CDH3: variants seen among roughly 807,000 people sequenced by gnomAD.
CDH3 encodes cadherin-3.
CDH3 carries 54 observed loss-of-function variants against 82.0 expected under a neutral mutation model. That is an observed-to-expected ratio of 0.66 (90% CI 0.53 to 0.83). The LOEUF (loss-of-function observed/expected upper bound fraction) is 0.83. Ranked by LOEUF, CDH3 falls within the 40% of genes least tolerant of loss-of-function variation. The probability of loss-of-function intolerance (pLI) is 0.00; values close to 1 mark genes in which losing one functional copy is unlikely to be tolerated. For synonymous variants in CDH3, 446 were observed against 437.9 expected (o/e 1.02, Z -0.23); for missense variants, 1,054 against 1,084.6 (o/e 0.97, Z 0.40).
intron 1 of CDH3, among the ~76,000 whole-genome samples, chr16:68,720,055 GC>G (rs1235999287): frequency 6.6e-6 from 1 of 152,062 alleles, no homozygotes; most frequent in Non-Finnish European, 1.5e-5. Context: ...TACTTGGGAG[GC>G]TGAGGTGGGA....
In CDH3 at chr16:68,694,598, G is replaced by A. The variant is rs188166802; in HGVS notation, c.2003-657G>A. On this transcript the variant is annotated intron_variant, in intron 13 of 15. Coordinates refer to ENST00000264012, the MANE Select transcript of CDH3 (RefSeq NM_001793.6). ...GATTGCACCAGTGCACTCTAGCCTG[G>A]GCGACAAGAGTGAGACTCTGTCTCA... 2.8e-5 allele frequency among the ~76,000 whole-genome samples: 4 copies of A among 144,940 alleles called. No individual in the cohort carries two copies. In the East Asian group the frequency reaches 8.1e-4, roughly 30 times the overall value.
At position 68,678,643 on chromosome 16, in the gene CDH3, T is replaced by C. The variant is rs566610716; in HGVS notation, c.533T>C (p.Ile178Thr). The C allele has an allele frequency of 1.9e-6, 3 of 1,614,142 alleles. No individual in the cohort carries two copies. The highest frequency in any genetic ancestry group is 2.5e-6 in the Non-Finnish European group (3 of 1,180,024). ...AATAAGCCACTGGACCGGGAGGAGATTGCCAAGTATGAGGCAAGTAGCCTT... is the reference window on the plus strand; with the variant it reads ...AATAAGCCACTGGACCGGGAGGAGACTGCCAAGTATGAGGCAAGTAGCCTT... ...LLNKPLDREE[I>T]AKYELFGHAV... The change falls in exon 5 of 16, where the codon ATT becomes ACT. Residue 178 changes from isoleucine (I) to threonine (T), a missense_variant. Coordinates refer to ENST00000264012, the MANE Select transcript of CDH3 (RefSeq NM_001793.6).
chr16:68,691,228 T>A (rs1481690609), intron 12 of CDH3, among the ~76,000 whole-genome samples: 1 of 152,048 alleles, frequency 6.6e-6, no homozygotes, highest in Non-Finnish European at 1.5e-5. Flanking sequence ...ATGGTCTCGA[T>A]CTCTTGACCT....
intron 2 of CDH3, among the ~76,000 whole-genome samples, chr16:68,665,105 T>C (rs1412233787): frequency 6.6e-6 from 1 of 152,178 alleles, no homozygotes; most frequent in African/African-American, 2.4e-5. Context: ...AATACTTTAT[T>C]GTGCTTTTTA....
intron 2 of CDH3, among the ~76,000 whole-genome samples, chr16:68,659,209 A>T (rs1325048794): frequency 2.0e-5 from 3 of 152,116 alleles, no homozygotes; most frequent in African/African-American, 7.2e-5. Context: ...GCTCAGATTC[A>T]AACCTAAGCA....
At position 68,698,747 on chromosome 16, in the gene CDH3, A is replaced by G. The variant is rs941283149; in HGVS notation, c.*347A>G. On this transcript the variant is annotated 3_prime_UTR_variant, in exon 16 of 16. Coordinates refer to ENST00000264012, the MANE Select transcript of CDH3 (RefSeq NM_001793.6). ...ACAGTGGACTTTCTCTCTGGAATGG[A>G]ACCTTCTTAGGCCTCCTGGTGCAAC... 2.5e-5 allele frequency: 7 copies of G among 281,884 alleles called. No homozygotes were observed. The highest frequency in any genetic ancestry group is 3.3e-5 in the Non-Finnish European group (5 of 150,424). 17.5% of individuals were successfully genotyped at this position (281,884 alleles called of 1,614,324 possible).
rs747112755 is a variant in CDH3, at chr16:68,679,203, C to T, written c.691+297C>T. 5.5e-4 allele frequency among the ~76,000 whole-genome samples: 84 copies of T among 152,346 alleles called. 1 individual carries two copies. Among genetic ancestry groups the T allele is most frequent in the Non-Finnish European group, 9.3e-4 (63 of 68,034 alleles). ...TGAATCTTGGCTTTGCCCTCTTTAC[C>T]GGCTGTGATCCTGGGCATATTCTTG... On this transcript the variant is annotated intron_variant, in intron 6 of 15. Transcript: ENST00000264012.
At chr16:68,674,539 C>G (rs1270750862) in intron 2 of CDH3, among the ~76,000 whole-genome samples, 1 of 152,056 alleles carries the variant, frequency 6.6e-6, no homozygotes, top group Non-Finnish European at 1.5e-5. Flanking sequence ...TCGAGACCAG[C>G]TGGGGCAACA....
At chr16:68,731,017 T>C, downstream of CDH3, among the ~76,000 whole-genome samples, 1 of 13,670 alleles carries the variant, frequency 7.3e-5, no homozygotes. Context: ...GGAAACTCCG[T>C]CTCAAAAAAA....
At chr16:68,671,230 A>G (rs909262361) in intron 2 of CDH3, among the ~76,000 whole-genome samples, 14 of 151,434 alleles carry the variant, frequency 9.2e-5, no homozygotes, top group African/African-American at 3.2e-4. Flanking sequence ...GGCTCAAGCA[A>G]TCTGCCCACC....
chr16:68,650,459 G>T (rs945002048), intron 2 of CDH3, among the ~76,000 whole-genome samples: 1 of 152,020 alleles, frequency 6.6e-6, no homozygotes, highest in Non-Finnish European at 1.5e-5. Flanking sequence ...GCGCCACAAC[G>T]CCTGGCTAAT....
At chr16:68,727,554 T>A (rs1292032146), downstream of CDH3, among the ~76,000 whole-genome samples, 1 of 152,040 alleles carries the variant, frequency 6.6e-6, no homozygotes, top group Admixed American at 6.6e-5. Flanking sequence ...GACGAGTGGA[T>A]CACTTGAGGC....
At chr16:68,686,016 T>C (rs1961400851) in intron 11 of CDH3, among the ~76,000 whole-genome samples, 1 of 151,732 alleles carries the variant, frequency 6.6e-6, no homozygotes, top group South Asian at 2.1e-4. Context: ...AAATGAAAAA[T>C]TAAAAAATAA....
At chr16:68,711,940 G>A (rs1019313846) in intron 1 of CDH3, among the ~76,000 whole-genome samples, 1 of 151,926 alleles carries the variant, frequency 6.6e-6, no homozygotes, top group African/African-American at 2.4e-5. Flanking sequence ...TAAGATGGAA[G>A]TTTTGAGAGT....
chr16:68,730,473 C>G (rs567956509), downstream of CDH3, among the ~76,000 whole-genome samples: 11 of 151,938 alleles, frequency 7.2e-5, 1 homozygote, highest in African/African-American at 2.2e-4. Flanking sequence ...TTGCGTTGAG[C>G]CGAGATCACG....
downstream of CDH3, among the ~76,000 whole-genome samples, chr16:68,728,600 A>C (rs552645963): frequency 6.6e-6 from 1 of 152,280 alleles, no homozygotes; most frequent in South Asian, 2.1e-4. Flanking sequence ...CCAGCCCCTT[A>C]TGAGCTTCTT....
Position 68,671,521 on chromosome 16 carries a change from C to CTTT in CDH3, c.161-4847_161-4845dup, listed in dbSNP as rs34475405. Among the ~76,000 whole-genome samples, 117 of 122,002 alleles carry CTTT rather than the reference C, an allele frequency of 9.6e-4. 1 individual carries two copies. The highest frequency in any genetic ancestry group is 5.6e-4 in the Non-Finnish European group (34 of 60,534). The allele number at this position is 122,002 out of a possible 152,430, so 80.0% of individuals were successfully genotyped here. A position where few individuals can be genotyped will look rare whatever the true frequency, so the allele number is the denominator to read the frequency against. ...GCCTAGCCTAATGAGTTCATTTTAC[C>CTTT]TTTTTTTTTTTTTTTTTTTGAGATG... On this transcript the variant is annotated intron_variant, in intron 2 of 15. Coordinates refer to ENST00000264012, the MANE Select transcript of CDH3 (RefSeq NM_001793.6).
chr16:68,720,608 T>C (rs1006031298), intron 1 of CDH3, among the ~76,000 whole-genome samples: 2 of 135,876 alleles, frequency 1.5e-5, no homozygotes, highest in Non-Finnish European at 3.1e-5. Flanking sequence ...TTAAATGTTC[T>C]TTATTAAGTC....
chr16:68,680,059 C>G (rs1961171690), intron 7 of CDH3, 85 bp downstream of exon 7: 1 of 1,317,852 alleles, frequency 7.6e-7, no homozygotes, highest in Non-Finnish European at 1.1e-6. Context: ...CCTATCCCTG[C>G]CCACAAAGCC....
Sources: allele counts gnomAD v4.1 joint callset (sites outside exome capture counted in the v4.1 genomes callset), GRCh38; gene constraint gnomAD v4.1.1; transcripts MANE v1.5; gene names NCBI Gene and HGNC (gene_info 2026-07-23, HGNC 2026-07-21).